The following ELAVL2 variants were observed in gnomAD, a reference collection of about 807,000 sequenced individuals.
ELAVL2 encodes the protein ELAV-like protein 2.
A neutral mutation model predicts 34.6 loss-of-function variants in ELAVL2; 4 were observed. The ratio of observed to expected loss-of-function variants is 0.12; its 90% CI spans 0.06 to 0.26. ELAVL2 has a LOEUF of 0.26. Ranked by LOEUF, ELAVL2 falls within the 10% of genes least tolerant of loss-of-function variation. The pLI, the probability that ELAVL2 is intolerant of heterozygous loss-of-function variation, is 1.00. For missense variants in ELAVL2, 432 were observed against 442.8 expected, an observed-to-expected ratio of 0.98 and a Z score of 0.22; for synonymous variants, 193 against 154.8, an observed-to-expected ratio of 1.25 and a Z score of -1.83.
At chr9:23,736,962 C>G (rs1485820115) in intron 2 of ELAVL2, among the ~76,000 whole-genome samples, 1 of 152,218 alleles carries the variant, frequency 6.6e-6, no homozygotes, top group Non-Finnish European at 1.5e-5. Flanking sequence ...CTAGCCAACT[C>G]CCATGTATCC....
chr9:23,693,063 C>T (rs934647588), intron 6 of ELAVL2, among the ~76,000 whole-genome samples, 179 bp from the exon 7 acceptor site: 4 of 152,176 alleles, frequency 2.6e-5, no homozygotes, highest in Non-Finnish European at 4.4e-5. Context: ...CAGTGACATG[C>T]TAGACTACTG....
intron 3 of ELAVL2, among the ~76,000 whole-genome samples, chr9:23,714,603 C>T (rs952793774): frequency 1.1e-4 from 17 of 152,176 alleles, no homozygotes; most frequent in Admixed American, 7.9e-4. Context: ...TACCTCAATT[C>T]TCTTTTGTAG....
At chr9:23,846,894 C>G in the ELAVL2 span, among the ~76,000 whole-genome samples, 1 of 151,792 alleles carries the variant, frequency 6.6e-6, no homozygotes, top group Non-Finnish European at 1.5e-5. Flanking sequence ...ATTTGATTGT[C>G]ATTTTGTTTG....
At chr9:23,759,743 CATATATAGTATT>C (rs1392644264) in intron 2 of ELAVL2, among the ~76,000 whole-genome samples, 2 of 80,454 alleles carry the variant, frequency 2.5e-5, no homozygotes, top group African/African-American at 5.4e-5. Flanking sequence ...GTGTATACAT[CATATATAGTATT>C]ATATATATAT....
intron 1 of ELAVL2, among the ~76,000 whole-genome samples, chr9:23,774,459 A>C (rs2057876805): frequency 6.6e-6 from 1 of 152,068 alleles, no homozygotes; most frequent in African/African-American, 2.4e-5. Flanking sequence ...GCTATGTTAA[A>C]CTACATTTAG....
rs529160246 is a variant in ELAVL2 at position 23,806,804 on chromosome 9, G to C, written c.-16+19002C>G. Among the ~76,000 whole-genome samples, 134 of 152,240 alleles carry C rather than the reference G, an allele frequency of 8.8e-4. No individual in the cohort carries two copies. In the Middle Eastern group the frequency reaches 0.01, roughly 12 times the overall value. ...CAGACACCAAAGGCAATGGGAAGTT[G>C]TTACCCCAAGTGCCCATTCCGTAAC... On this transcript the variant is annotated intron_variant, in intron 1 of 6. Coordinates refer to ENST00000397312, the MANE Select transcript of ELAVL2 (RefSeq NM_004432.5).
chr9:23,809,771 G>C (rs1236290526), intron 1 of ELAVL2, among the ~76,000 whole-genome samples: 1 of 152,092 alleles, frequency 6.6e-6, no homozygotes, highest in Non-Finnish European at 1.5e-5. Flanking sequence ...TTCTAGGGAA[G>C]AGCAAAAAGG....
chr9:23,724,003 G>A (rs910302186), intron 3 of ELAVL2, among the ~76,000 whole-genome samples: 1 of 152,142 alleles, frequency 6.6e-6, no homozygotes, highest in Non-Finnish European at 1.5e-5. Flanking sequence ...TAATTCCAAT[G>A]GAGGTCTTCA....
At chr9:23,815,253 T>C (rs1033756714) in intron 1 of ELAVL2, among the ~76,000 whole-genome samples, 2 of 152,174 alleles carry the variant, frequency 1.3e-5, no homozygotes, top group Non-Finnish European at 2.9e-5. Flanking sequence ...CCTGGAATGT[T>C]AGCTGGCTAA....
upstream of ELAVL2, among the ~76,000 whole-genome samples, chr9:23,828,991 TAAG>T (rs1463337106): frequency 2.6e-5 from 4 of 152,316 alleles, no homozygotes; most frequent in African/African-American, 9.6e-5. Flanking sequence ...ACATCTCACT[TAAG>T]AATAAGCAAA....
At chr9:23,822,535 C>T (rs1257052745) in intron 1 of ELAVL2, among the ~76,000 whole-genome samples, 4 of 152,188 alleles carry the variant, frequency 2.6e-5, no homozygotes, top group African/African-American at 9.6e-5. Flanking sequence ...CCCGCCCCTT[C>T]GCCAAGCTCA....
intron 1 of ELAVL2, among the ~76,000 whole-genome samples, chr9:23,798,039 G>A (rs1006532392): frequency 2.0e-5 from 3 of 152,190 alleles, no homozygotes; most frequent in South Asian, 2.1e-4. Flanking sequence ...CATTGCATCC[G>A]GCAAAGAAGG....
In ELAVL2 at chr9:23,704,908, G is replaced by C. The variant is rs779512700; in HGVS notation, c.487+10C>G. On this transcript the variant is annotated intron_variant, in intron 4 of 6. Coordinates refer to ENST00000397312, the MANE Select transcript of ELAVL2 (RefSeq NM_004432.5). Reference sequence around the variant, plus strand: ...CAGGGAAAGACTGTCCGGAGTGGCTGTCTACTTACCAGTGACCTGGTCGAC... The same window carrying C: ...CAGGGAAAGACTGTCCGGAGTGGCTCTCTACTTACCAGTGACCTGGTCGAC... 6.2e-7 allele frequency: 1 copy of C among 1,613,830 alleles called. No homozygotes were observed. The highest frequency in any genetic ancestry group is 1.7e-5 in the Admixed American group (1 of 59,998).
chr9:23,807,425 AG>A (rs2062382445), intron 1 of ELAVL2, among the ~76,000 whole-genome samples: 1 of 152,152 alleles, frequency 6.6e-6, no homozygotes, highest in South Asian at 2.1e-4. Context: ...TTTAGGATTA[AG>A]GAACTCCACA....
In ELAVL2 at chr9:23,727,946, A is replaced by T. The variant is rs898194833; in HGVS notation, c.333+3076T>A. Among the ~76,000 whole-genome samples, 6 of 152,228 alleles carry T rather than the reference A, an allele frequency of 3.9e-5. No homozygotes were observed. The East Asian group carries it at 1.2e-3, about 29-fold the overall frequency. ...CCAGGAATTTTACCAAACGCATACT[A>T]AATTCTAAGTGGCTTGGAGTACACA... is the stretch of plus-strand genomic sequence containing the variant. On this transcript the variant is annotated intron_variant, in intron 3 of 6. Transcript: ENST00000397312.
At chr9:23,803,047 T>G (rs1192555361) in intron 1 of ELAVL2, among the ~76,000 whole-genome samples, 2 of 152,170 alleles carry the variant, frequency 1.3e-5, no homozygotes, top group South Asian at 2.1e-4. Flanking sequence ...CTGGTCTAAT[T>G]CACTGCTACA....
At chr9:23,772,702 G>C (rs948580010) in intron 1 of ELAVL2, among the ~76,000 whole-genome samples, 2 of 152,126 alleles carry the variant, frequency 1.3e-5, no homozygotes, top group Non-Finnish European at 2.9e-5. Context: ...TAAAAACCTT[G>C]ATCAATACAG....
intron 4 of ELAVL2, among the ~76,000 whole-genome samples, chr9:23,704,601 A>G (rs1376673155): frequency 5.9e-5 from 9 of 152,196 alleles, no homozygotes; most frequent in Admixed American, 3.3e-4. Flanking sequence ...TTAGTACTCT[A>G]TAAGCAGGAT....
intron 1 of ELAVL2, among the ~76,000 whole-genome samples, chr9:23,764,273 T>C (rs1211388978): frequency 6.6e-6 from 1 of 152,132 alleles, no homozygotes; most frequent in Non-Finnish European, 1.5e-5. Context: ...GGGATAGCAT[T>C]TGAAATACAA....
Sources: gnomAD v4.1 joint callset for allele counts (sites outside exome capture counted in the v4.1 genomes callset) on GRCh38, gnomAD v4.1.1 for gene constraint, MANE v1.5 for transcripts, NCBI Gene and HGNC (gene_info 2026-07-23, HGNC 2026-07-21) for gene names.